DOCK2: variants seen among roughly 807,000 people sequenced by gnomAD.
DOCK2 encodes dedicator of cytokinesis 2.
Under a neutral mutation model 248.9 loss-of-function variants are expected in DOCK2, and 87 were observed. That is an observed-to-expected ratio of 0.35 (90% CI 0.29 to 0.42). The LOEUF (loss-of-function observed/expected upper bound fraction) is 0.42, where lower values mean the gene tolerates loss of function less well. Among genes scored for constraint, DOCK2 ranks in the 10% least tolerant of loss-of-function variants. The pLI, the probability that DOCK2 is intolerant of heterozygous loss-of-function variation, is 1.00. For missense variants in DOCK2, 1,747 were observed against 2,300.2 expected (o/e 0.76, Z 4.92); for synonymous variants, 805 against 821.6 (o/e 0.98, Z 0.35).
At chr5:169,806,713 T>C (rs1301842783) in intron 26 of DOCK2, among the ~76,000 whole-genome samples, 1 of 152,156 alleles carries the variant, frequency 6.6e-6, no homozygotes, top group Non-Finnish European at 1.5e-5. Context: ...CCTTTAACCT[T>C]TTTTTGCGTA....
chr5:169,876,447 G>C (rs554091450), intron 27 of DOCK2, among the ~76,000 whole-genome samples: 1 of 152,240 alleles, frequency 6.6e-6, no homozygotes, highest in Non-Finnish European at 1.5e-5. Context: ...AGAGAAGGGA[G>C]ATATTTTCAC....
chr5:169,865,504 C>A (rs372640169), intron 27 of DOCK2, among the ~76,000 whole-genome samples: 1 of 152,214 alleles, frequency 6.6e-6, no homozygotes, highest in East Asian at 1.9e-4. Context: ...CTTAGACATC[C>A]CTGTGGGCTG....
At position 169,658,912 on chromosome 5, in the gene DOCK2, A is replaced by G. The variant is rs370001858; in HGVS notation, c.127+4426A>G. 3.3e-5 allele frequency among the ~76,000 whole-genome samples: 5 copies of G among 151,662 alleles called. No homozygotes were observed. In the South Asian group the frequency reaches 8.3e-4, roughly 25 times the overall value. On this transcript the variant is annotated intron_variant, in intron 2 of 51. Transcript: ENST00000520908. ...ATGAAGAATAAAATAACAATCACTT[A>G]CATTCCAACCACCTATAATTAATCA...
intron 23 of DOCK2, 147 bp from the exon 24 acceptor site, chr5:169,759,558 G>A: frequency 3.7e-6 from 3 of 804,824 alleles, no homozygotes; most frequent in Non-Finnish European, 5.7e-6. Flanking sequence ...ATGTTTTGAT[G>A]TCCATACAGA....
chr5:169,934,805 G>T, intron 27 of DOCK2: 1 of 441,124 alleles, frequency 2.3e-6, no homozygotes, highest in South Asian at 1.6e-5. Context: ...ATTATTATCT[G>T]TATGATAAAT....
At chr5:169,724,630 C>T (rs1246093910) in intron 22 of DOCK2, among the ~76,000 whole-genome samples, 1 of 152,178 alleles carries the variant, frequency 6.6e-6, no homozygotes, top group African/African-American at 2.4e-5. Context: ...TGGTTCGCAG[C>T]TCAGCGACGC....
chr5:169,982,918 T>A (rs1777978588), intron 27 of DOCK2, 150 bp from the exon 28 acceptor site: 1 of 685,968 alleles, frequency 1.5e-6, no homozygotes, highest in Non-Finnish European at 2.5e-6. Context: ...GTTATGTTTA[T>A]GTTCGGCACT....
At chr5:170,008,094 C>G (rs1755120253) in intron 30 of DOCK2, among the ~76,000 whole-genome samples, 1 of 152,090 alleles carries the variant, frequency 6.6e-6, no homozygotes. Flanking sequence ...CTATCTTACC[C>G]TTCGTCACCC....
intron 26 of DOCK2, among the ~76,000 whole-genome samples, chr5:169,816,060 C>T (rs1768054106): frequency 6.6e-6 from 1 of 152,204 alleles, no homozygotes; most frequent in African/African-American, 2.4e-5. Context: ...AGTTGGGAGA[C>T]ATGAGTTAAA....
rs1445802602 is a variant in DOCK2 at position 170,076,005 on chromosome 5, G to A, written c.4787G>A (p.Arg1596Gln). ...IHEKRVSDNL[R>Q]PFHDRMEECF... ...GAGAAAAGGGTGTCAGATAACTTGC[G>A]ACCCTTCCATGACCGGATGGAGGAA... The change falls in exon 47 of 52, where the codon CGA (arginine) becomes CAA (glutamine). Residue 1596 changes from arginine (R) to glutamine (Q), a missense_variant. By Grantham distance (43) the Arg-to-Gln change is conservative (BLOSUM62 1). This residue lies in a region of DOCK2 where 513 missense variants were observed against 586.1 expected (regional missense o/e 0.88). Transcript: ENST00000520908. 1.2e-5 allele frequency: 19 copies of A among 1,614,018 alleles called. No homozygotes were observed. The highest frequency in any genetic ancestry group is 1.3e-5 in the African/African-American group (1 of 74,910).
Position 170,080,152 on chromosome 5 carries a change from T to C in DOCK2, c.5167-11T>C. On this transcript the variant is annotated splice_polypyrimidine_tract_variant and intron_variant, in intron 49 of 51. Transcript: ENST00000520908. Reference sequence around the variant, plus strand: ...TGTGTGTGTGTGTGTGTGTCTGGTGTATTCCTCCAGCTTTCCAGGAAGCAT... The same window carrying C: ...TGTGTGTGTGTGTGTGTGTCTGGTGCATTCCTCCAGCTTTCCAGGAAGCAT... The C allele has an allele frequency of 6.2e-7, 1 of 1,614,022 alleles. No homozygotes were observed. Among genetic ancestry groups the C allele is most frequent in the Non-Finnish European group, 8.5e-7 (1 of 1,179,954 alleles).
chr5:169,671,009 T>C lies in DOCK2; in HGVS notation c.225-69T>C, dbSNP rs190474691. Reference sequence around the variant, plus strand: ...TCCGCAGCTGCAGCTTAATGCAAATTTGTTGGTGTTTTATCTTGTTAGCAC... The same window carrying C: ...TCCGCAGCTGCAGCTTAATGCAAATCTGTTGGTGTTTTATCTTGTTAGCAC... On this transcript the variant is annotated intron_variant, in intron 4 of 51. Coordinates refer to ENST00000520908, the MANE Select transcript of DOCK2 (RefSeq NM_004946.3). The C allele has an allele frequency of 1.7e-5, 23 of 1,380,924 alleles. No homozygotes were observed. The East Asian group carries it at 4.9e-4, about 30-fold the overall frequency. 85.5% of individuals were successfully genotyped at this position (1,380,924 alleles called of 1,614,324 possible). A position where few individuals can be genotyped will look rare whatever the true frequency, so the allele number is the denominator to read the frequency against.
intron 27 of DOCK2, among the ~76,000 whole-genome samples, chr5:169,901,860 T>C (rs921381494): frequency 6.6e-6 from 1 of 152,200 alleles, no homozygotes; most frequent in Non-Finnish European, 1.5e-5. Flanking sequence ...TTGCATCTGT[T>C]GGAGAAGAAG....
At chr5:169,734,763 A>G (rs181345146) in intron 22 of DOCK2, among the ~76,000 whole-genome samples, 16 of 152,242 alleles carry the variant, frequency 1.1e-4, no homozygotes, top group African/African-American at 3.9e-4. Flanking sequence ...CTTTTCCTCT[A>G]TTTTGAAGAA....
intron 49 of DOCK2, 86 bp downstream of exon 49, chr5:170,079,232 T>A (rs1474040959): frequency 6.6e-7 from 1 of 1,509,122 alleles, no homozygotes; most frequent in Admixed American, 2.0e-5. Flanking sequence ...CTTCCAGATA[T>A]GGGCTTCCTG....
In DOCK2 at chr5:170,042,276, C is replaced by T. The variant is rs9313489; in HGVS notation, c.3876+144C>T. ...TGATCACTTCTCTCCACTTCCTCTCCATCTCCATTCCTTCCACCTCCATGT... is the reference window on the plus strand; with the variant it reads ...TGATCACTTCTCTCCACTTCCTCTCTATCTCCATTCCTTCCACCTCCATGT... On this transcript the variant is annotated intron_variant, in intron 38 of 51. Coordinates refer to ENST00000520908, the MANE Select transcript of DOCK2 (RefSeq NM_004946.3). 8,871 of 1,077,478 alleles carry T rather than the reference C, an allele frequency of 8.2e-3. 320 individuals are homozygous for T. In the African/African-American group the frequency reaches 0.087, roughly 11 times the overall value. The allele number at this position is 1,077,478 out of a possible 1,614,324, so 66.7% of individuals were successfully genotyped here.
chr5:169,654,377 T>A (rs778300082), intron 1 of DOCK2, 26 bp from the exon 2 acceptor site: 1 of 1,613,390 alleles, frequency 6.2e-7, no homozygotes, highest in Non-Finnish European at 8.5e-7. Context: ...AGGTCTCACC[T>A]AGCTGTCTTT....
chr5:169,867,495 A>G lies in DOCK2; in HGVS notation c.2799+26643A>G, dbSNP rs568242439. ...CATCCATCTATCATCTATCTAATCT[A>G]TCATCTATTATCTATTTATCTATCT... On this transcript the variant is annotated intron_variant, in intron 27 of 51. Coordinates refer to ENST00000520908, the MANE Select transcript of DOCK2 (RefSeq NM_004946.3). Among the ~76,000 whole-genome samples, 3 of 152,094 alleles carry G rather than the reference A, an allele frequency of 2.0e-5. No individual in the cohort carries two copies. The East Asian group carries it at 5.8e-4, about 29-fold the overall frequency.
intron 23 of DOCK2, among the ~76,000 whole-genome samples, chr5:169,753,950 A>G (rs765635648): frequency 2.0e-5 from 3 of 152,156 alleles, no homozygotes; most frequent in Non-Finnish European, 4.4e-5. Flanking sequence ...AAAGGATTAA[A>G]AATTGAGGGG....
Sources: allele counts gnomAD v4.1 joint callset (sites outside exome capture counted in the v4.1 genomes callset), GRCh38; gene constraint gnomAD v4.1.1; regional missense constraint gnomAD v4.1.1; transcripts MANE v1.5; gene names NCBI Gene and HGNC (gene_info 2026-07-23, HGNC 2026-07-21).